ZFAT: variants seen among roughly 807,000 people sequenced by gnomAD.
ZFAT encodes zinc finger protein ZFAT.
In ZFAT, 64 loss-of-function variants were observed where a neutral mutation model predicts 117.7. The observed-to-expected ratio is 0.54, with a 90% CI of 0.44 to 0.67. The LOEUF (loss-of-function observed/expected upper bound fraction) is 0.67, where lower values mean the gene tolerates loss of function less well. Ranked by LOEUF, ZFAT falls within the 30% of genes least tolerant of loss-of-function variation. The probability of loss-of-function intolerance (pLI) is 0.00; values close to 1 mark genes in which losing one functional copy is unlikely to be tolerated. For missense variants in ZFAT, 1,433 were observed against 1,584.5 expected (o/e 0.90, Z 1.62); for synonymous variants, 679 against 615.0 (o/e 1.10, Z -1.54).
chr8:134,712,884 GAAAA>G lies in ZFAT; in HGVS notation c.-25_-22del, dbSNP rs746459398. On this transcript the variant is annotated 5_prime_UTR_variant, in exon 1 of 16. Coordinates refer to ENST00000377838, the MANE Select transcript of ZFAT (RefSeq NM_020863.4). The stretch of plus-strand genomic sequence containing the variant: ...TCCATGGCAACGCCCCACCGCGGAG[GAAAA>G]AAAAGCCTCGGGCTCTTCCGGGCCC... 1 of 1,506,038 alleles carries G rather than the reference GAAAA, an allele frequency of 6.6e-7. No individual in the cohort carries two copies. Among genetic ancestry groups the G allele is most frequent in the African/African-American group, 1.5e-5 (1 of 68,948 alleles). 93.3% of individuals were successfully genotyped at this position (1,506,038 alleles called of 1,614,324 possible). A position where few individuals can be genotyped will look rare whatever the true frequency, so the allele number is the denominator to read the frequency against.
the ZFAT span, among the ~76,000 whole-genome samples, chr8:134,791,603 T>C: frequency 7.2e-5 from 11 of 152,190 alleles, no homozygotes. Flanking sequence ...GGTAGGATAA[T>C]TTATGTTAGT....
At chr8:134,560,270 C>A (rs1336417249) in intron 11 of ZFAT, among the ~76,000 whole-genome samples, 1 of 152,128 alleles carries the variant, frequency 6.6e-6, no homozygotes, top group Non-Finnish European at 1.5e-5. Context: ...ATCACTGACA[C>A]CACCCATCCC....
the ZFAT span, among the ~76,000 whole-genome samples, chr8:134,808,581 G>A: frequency 1.6e-3 from 242 of 152,296 alleles, no homozygotes; most frequent in African/African-American, 5.4e-3. Context: ...GAATGGTAAC[G>A]TCTGCAGTCC....
chr8:134,795,745 A>G, the ZFAT span: 1 of 152,182 alleles, frequency 6.6e-6, no homozygotes, highest in African/African-American at 2.4e-5. Context: ...ATCTCTGGTT[A>G]ATAAAATTAC....
At chr8:134,692,411 A>C (rs1833627033) in intron 1 of ZFAT, among the ~76,000 whole-genome samples, 1 of 152,226 alleles carries the variant, frequency 6.6e-6, no homozygotes, top group Non-Finnish European at 1.5e-5. Context: ...GGTGCGCCCC[A>C]GCCCTACCTC....
chr8:134,564,569 A>G (rs1333362814), intron 11 of ZFAT, among the ~76,000 whole-genome samples: 2 of 152,204 alleles, frequency 1.3e-5, no homozygotes, highest in African/African-American at 4.8e-5. Context: ...CCCATGTTCT[A>G]TGATTCTCTG....
At chr8:134,616,714 T>C (rs1248254173) in intron 3 of ZFAT, among the ~76,000 whole-genome samples, 3 of 152,192 alleles carry the variant, frequency 2.0e-5, no homozygotes, top group South Asian at 2.1e-4. Flanking sequence ...CATTCAGTCA[T>C]GCCGTGAGCT....
chr8:134,616,637 T>G (rs1432896889), intron 3 of ZFAT, among the ~76,000 whole-genome samples: 1 of 152,250 alleles, frequency 6.6e-6, no homozygotes, highest in Admixed American at 6.5e-5. Flanking sequence ...TCCAGCTTCC[T>G]TTCTTCCTTT....
intron 2 of ZFAT, among the ~76,000 whole-genome samples, chr8:134,653,930 T>C (rs1257070987): frequency 2.6e-5 from 4 of 152,154 alleles, no homozygotes; most frequent in Admixed American, 2.6e-4. Flanking sequence ...TTAGCACCAT[T>C]ATTTCTAGAA....
Position 134,657,841 on chromosome 8 carries a change from C to CCAG in ZFAT, c.20-107_20-105dup, listed in dbSNP as rs376786550. On this transcript the variant is annotated intron_variant, in intron 1 of 15. Transcript: ENST00000377838. ...CGAAAGCTGCCCTTCTGAGCCATCA[C>CCAG]CAGCCTCTACCAGATTGTGTCTCTC... 2.0e-5 allele frequency: 24 copies of CCAG among 1,208,266 alleles called. No individual in the cohort carries two copies. In the African/African-American group the frequency reaches 2.6e-4, roughly 13 times the overall value. 74.8% of individuals were successfully genotyped at this position (1,208,266 alleles called of 1,614,324 possible). A position where few individuals can be genotyped will look rare whatever the true frequency, so the allele number is the denominator to read the frequency against.
chr8:134,658,534 G>A (rs762966093), intron 1 of ZFAT, among the ~76,000 whole-genome samples: 35 of 152,002 alleles, frequency 2.3e-4, no homozygotes, highest in Non-Finnish European at 4.7e-4. Context: ...TAAAGCCACT[G>A]AATTCCTATT....
chr8:134,589,727 G>C (rs1826321305), intron 8 of ZFAT, among the ~76,000 whole-genome samples: 1 of 152,240 alleles, frequency 6.6e-6, no homozygotes, highest in African/African-American at 2.4e-5. Flanking sequence ...CTCTGAGGAA[G>C]AATGCAAAGA....
the ZFAT span, among the ~76,000 whole-genome samples, chr8:134,774,623 T>A: frequency 6.6e-6 from 1 of 152,210 alleles, no homozygotes; most frequent in South Asian, 2.1e-4. Flanking sequence ...CAGACTACAG[T>A]ATATTGTAAA....
intron 1 of ZFAT, among the ~76,000 whole-genome samples, chr8:134,665,472 C>T (rs893557369): frequency 3.3e-5 from 5 of 152,356 alleles, no homozygotes; most frequent in South Asian, 2.1e-4. Context: ...GTCCTCTGTA[C>T]GCCCACCTGG....
intron 1 of ZFAT, among the ~76,000 whole-genome samples, chr8:134,702,238 C>A (rs928056923): frequency 6.6e-6 from 1 of 152,170 alleles, no homozygotes; most frequent in Non-Finnish European, 1.5e-5. Flanking sequence ...CTGTTATAAG[C>A]AACAGAAATC....
Position 134,686,029 on chromosome 8 carries a change from G to A in ZFAT, c.19+26816C>T, listed in dbSNP as rs563423756. Among the ~76,000 whole-genome samples the A allele has an allele frequency of 1.6e-4, 25 of 152,242 alleles. 1 individual carries two copies. In the South Asian group the frequency reaches 4.6e-3, roughly 28 times the overall value. On this transcript the variant is annotated intron_variant, in intron 1 of 15. Transcript: ENST00000377838. ...CATCCTTGGCCCAGGACCAGACCCC[G>A]CTGCCCTTCCTAGGTGGAGTCACTG...
chr8:134,826,641 T>C, the ZFAT span, among the ~76,000 whole-genome samples: 2 of 152,192 alleles, frequency 1.3e-5, no homozygotes, highest in African/African-American at 4.8e-5. Flanking sequence ...AGCAAATAAA[T>C]TTAACTTAGA....
chr8:134,761,710 GTAAAA>G, the ZFAT span, among the ~76,000 whole-genome samples: 11 of 151,376 alleles, frequency 7.3e-5, no homozygotes, highest in African/African-American at 2.7e-4. Flanking sequence ...AAAAAAAAAA[GTAAAA>G]TAAAATAAAT....
the ZFAT span, among the ~76,000 whole-genome samples, chr8:134,732,844 G>A: frequency 1.3e-5 from 2 of 152,172 alleles, no homozygotes; most frequent in African/African-American, 4.8e-5. Flanking sequence ...CAGAGCACAG[G>A]CTTGTTAGGG....
Sources: allele counts gnomAD v4.1 joint callset (sites outside exome capture counted in the v4.1 genomes callset), GRCh38; gene constraint gnomAD v4.1.1; transcripts MANE v1.5; gene names NCBI Gene and HGNC (gene_info 2026-07-23, HGNC 2026-07-21).